Variants in SASH1 observed in about 807,000 individuals in gnomAD.
SASH1 encodes SAM and SH3 domain-containing protein 1.
Under a neutral mutation model 125.2 loss-of-function variants are expected in SASH1, and 44 were observed. The observed-to-expected ratio is 0.35, with a 90% CI of 0.28 to 0.45. SASH1 has a LOEUF of 0.45. SASH1 is among the 20% of genes least tolerant of loss of function. The pLI, the probability that SASH1 is intolerant of heterozygous loss-of-function variation, is 1.00. For missense variants in SASH1, 1,426 were observed against 1,614.5 expected (o/e 0.88, Z 2.00); for synonymous variants, 639 against 649.1 (o/e 0.98, Z 0.24).
At chr6:148,299,287 A>T (rs1186792885) in intron 1 of SASH1, among the ~76,000 whole-genome samples, 2 of 151,356 alleles carry the variant, frequency 1.3e-5, no homozygotes, top group East Asian at 3.9e-4. Context: ...AACATTACAA[A>T]GATTTTTTTT....
At chr6:148,458,682 G>A (rs1246645992) in intron 4 of SASH1, among the ~76,000 whole-genome samples, 1 of 152,064 alleles carries the variant, frequency 6.6e-6, no homozygotes, top group Non-Finnish European at 1.5e-5. Flanking sequence ...AATACTATGT[G>A]GGCTGAGGCA....
At chr6:148,278,582 A>G (rs1011054869) in intron 1 of SASH1, 1 of 152,154 alleles carries the variant, frequency 6.6e-6, no homozygotes, top group Non-Finnish European at 1.5e-5. Context: ...AACTGACTAA[A>G]AAGAGCTTAA....
Position 148,452,842 on chromosome 6 carries a change from A to T in SASH1, c.386+12435A>T, listed in dbSNP as rs574350038. On this transcript the variant is annotated intron_variant, in intron 4 of 19. Coordinates refer to ENST00000367467, the MANE Select transcript of SASH1 (RefSeq NM_015278.5). Reference sequence around the variant, plus strand: ...TGGTCCCCTAAAATATGCCCTTCCCACATGACCTTTCGTTTCTTTTGTGAT... The same window carrying T: ...TGGTCCCCTAAAATATGCCCTTCCCTCATGACCTTTCGTTTCTTTTGTGAT... Among the ~76,000 whole-genome samples the T allele has an allele frequency of 2.6e-5, 4 of 152,322 alleles. No homozygotes were observed. In the South Asian group the frequency reaches 8.3e-4, roughly 32 times the overall value.
intron 1 of SASH1, among the ~76,000 whole-genome samples, chr6:148,379,308 C>A (rs1028340601): frequency 6.6e-6 from 1 of 152,162 alleles, no homozygotes; most frequent in Non-Finnish European, 1.5e-5. Flanking sequence ...ATGTTAAGCT[C>A]TCTCTCTGGA....
chr6:148,307,002 G>A (rs1310271462), intron 1 of SASH1, among the ~76,000 whole-genome samples: 1 of 151,654 alleles, frequency 6.6e-6, no homozygotes, highest in Non-Finnish European at 1.5e-5. Context: ...CACATCCTCA[G>A]CACAACCTAC....
chr6:148,312,930 A>T (rs186889972), intron 1 of SASH1, among the ~76,000 whole-genome samples: 2 of 152,290 alleles, frequency 1.3e-5, no homozygotes, highest in Admixed American at 6.5e-5. Context: ...AGGTGGCATC[A>T]GATTGTGTCT....
intron 17 of SASH1, among the ~76,000 whole-genome samples, chr6:148,542,378 C>T (rs1782269785): frequency 6.6e-6 from 1 of 151,542 alleles, no homozygotes; most frequent in African/African-American, 2.4e-5. Context: ...CTTCATTTAT[C>T]TGTGATGATT....
At chr6:148,341,205 C>A (rs1029341328), upstream of SASH1, among the ~76,000 whole-genome samples, 2 of 151,962 alleles carry the variant, frequency 1.3e-5, no homozygotes, top group Non-Finnish European at 2.9e-5. Context: ...GGCTGGAGTG[C>A]AGCAGCAGGA....
At chr6:148,443,166 AT>A (rs768651643) in intron 4 of SASH1, among the ~76,000 whole-genome samples, 1,070 of 105,340 alleles carry the variant, frequency 0.01, 6 homozygotes, top group South Asian at 0.027. Context: ...AAAAAAAAAA[AT>A]GGCTCACGGC....
rs925214823 is a variant in SASH1, at chr6:148,519,212, T to C, written c.863-335T>C. Among the ~76,000 whole-genome samples, 2 of 152,238 alleles carry C rather than the reference T, an allele frequency of 1.3e-5. No individual in the cohort carries two copies. Among genetic ancestry groups the C allele is most frequent in the Admixed American group, 1.3e-4 (2 of 15,288 alleles). Reference sequence around the variant, plus strand: ...TGATTCCTAGTTTCAGAGGGTTGCATTTACAAACTGCAGAGGGCATTATCT... The same window carrying C: ...TGATTCCTAGTTTCAGAGGGTTGCACTTACAAACTGCAGAGGGCATTATCT... On this transcript the variant is annotated intron_variant, in intron 9 of 19. Transcript: ENST00000367467. The surrounding 1 kb of genome is among the most constrained non-coding windows in gnomAD (Gnocchi z 4.8).
intron 8 of SASH1, among the ~76,000 whole-genome samples, chr6:148,500,502 G>A (rs1340833331): frequency 1.3e-5 from 2 of 152,136 alleles, no homozygotes; most frequent in African/African-American, 4.8e-5. Flanking sequence ...AACCTCACTT[G>A]ACTTTCCATC....
At chr6:148,414,719 G>T (rs145790295) in intron 2 of SASH1, among the ~76,000 whole-genome samples, 2 of 152,076 alleles carry the variant, frequency 1.3e-5, no homozygotes, top group Non-Finnish European at 2.9e-5. Context: ...AGGCTGGAGT[G>T]CAGTGATGCG....
chr6:148,284,554 T>C (rs1212909419), intron 1 of SASH1, among the ~76,000 whole-genome samples: 1 of 152,232 alleles, frequency 6.6e-6, no homozygotes, highest in Non-Finnish European at 1.5e-5. Flanking sequence ...TTGTTTCCTG[T>C]TAGTCTTGTT....
Position 148,551,238 on chromosome 6 carries a change from TGTGGACATTA to T in SASH1, c.*2684_*2693del, listed in dbSNP as rs1382201663. ...TTGACTGAGGTGGATTGGGGCTGCC[TGTGGACATTA>T]GTGAACAGGTGGTAGGCTTCAGGAA... On this transcript the variant is annotated 3_prime_UTR_variant, in exon 20 of 20. Coordinates refer to ENST00000367467, the MANE Select transcript of SASH1 (RefSeq NM_015278.5). 1.3e-5 allele frequency: 2 copies of T among 152,634 alleles called. No homozygotes were observed. The highest frequency in any genetic ancestry group is 4.8e-5 in the African/African-American group (2 of 41,454). 9.5% of individuals were successfully genotyped at this position (152,634 alleles called of 1,614,324 possible).
intron 2 of SASH1, among the ~76,000 whole-genome samples, chr6:148,416,966 C>A (rs1166896563): frequency 6.6e-6 from 1 of 152,100 alleles, no homozygotes; most frequent in African/African-American, 2.4e-5. Context: ...GTGATGGGGA[C>A]CCTCAAGACA....
At chr6:148,318,321 T>C (rs1288650510) in intron 1 of SASH1, among the ~76,000 whole-genome samples, 1 of 152,200 alleles carries the variant, frequency 6.6e-6, no homozygotes, top group Non-Finnish European at 1.5e-5. Flanking sequence ...ATAATCAGTG[T>C]TCTTTATTAA....
At chr6:148,244,748 G>A in the SASH1 span, among the ~76,000 whole-genome samples, 2 of 152,112 alleles carry the variant, frequency 1.3e-5, no homozygotes, top group South Asian at 2.1e-4. Context: ...CTGTGCTGCC[G>A]GCCACAGGGC....
intron 1 of SASH1, among the ~76,000 whole-genome samples, chr6:148,321,120 C>T (rs1006175552): frequency 2.0e-5 from 3 of 152,144 alleles, no homozygotes; most frequent in Non-Finnish European, 2.9e-5. Flanking sequence ...AGGCCAGGCG[C>T]GGTGGCTCAC....
chr6:148,210,821 A>G, the SASH1 span, among the ~76,000 whole-genome samples: 6,431 of 152,288 alleles, frequency 0.042, 183 homozygotes, highest in Non-Finnish European at 0.058. Context: ...AAGATTTGTG[A>G]CAAAGGTATA....
Sources: gnomAD v4.1 joint callset for allele counts (sites outside exome capture counted in the v4.1 genomes callset) on GRCh38, gnomAD v4.1.1 for gene constraint, Gnocchi (gnomAD v3.1) non-coding constraint, MANE v1.5 for transcripts, NCBI Gene and HGNC (gene_info 2026-07-23, HGNC 2026-07-21) for gene names.